The following ARHGAP26 variants were observed in gnomAD, a reference collection of about 807,000 sequenced individuals.
ARHGAP26 encodes the protein Rho GTPase activating protein 26, also known as rho GTPase-activating protein 26.
In ARHGAP26, 38 loss-of-function variants were observed where a neutral mutation model predicts 104.8. The observed-to-expected ratio is 0.36, with a 90% CI of 0.28 to 0.48. The LOEUF (loss-of-function observed/expected upper bound fraction) is 0.48. Among genes scored for constraint, ARHGAP26 ranks in the 20% least tolerant of loss-of-function variants. The probability of loss-of-function intolerance (pLI) is 0.99; values close to 1 mark genes in which losing one functional copy is unlikely to be tolerated. For synonymous variants in ARHGAP26, 341 were observed against 340.0 expected (o/e 1.00, Z -0.03); for missense variants, 704 against 947.9 (o/e 0.74, Z 3.38).
At chr5:142,830,840 G>A (rs1303395964) in intron 1 of ARHGAP26, among the ~76,000 whole-genome samples, 1 of 152,140 alleles carries the variant, frequency 6.6e-6, no homozygotes, top group African/African-American at 2.4e-5. Context: ...CTCTCAGTTT[G>A]TATCATTTTC....
intron 11 of ARHGAP26, among the ~76,000 whole-genome samples, chr5:142,978,046 C>T (rs1773379410): frequency 1.3e-5 from 2 of 152,226 alleles, no homozygotes; most frequent in South Asian, 4.1e-4. Context: ...GATCCGACAT[C>T]TTGAAAATAT....
Position 143,222,613 on chromosome 5 carries a change from G to A in ARHGAP26, c.*167G>A, listed in dbSNP as rs1599588818. Reference sequence around the variant, plus strand: ...GAGCTCTGGTGTCACTCATCTCCATGATCATCTCAGCCAACATGCATCAGT... The same window carrying A: ...GAGCTCTGGTGTCACTCATCTCCATAATCATCTCAGCCAACATGCATCAGT... On this transcript the variant is annotated 3_prime_UTR_variant, in exon 23 of 23. Transcript: ENST00000645722. 2 of 479,476 alleles carry A rather than the reference G, an allele frequency of 4.2e-6. No individual in the cohort carries two copies. Among genetic ancestry groups the A allele is most frequent in the African/African-American group, 1.9e-5 (1 of 52,172 alleles). The allele number at this position is 479,476 out of a possible 1,614,324, so 29.7% of individuals were successfully genotyped here. A position where few individuals can be genotyped will look rare whatever the true frequency, so the allele number is the denominator to read the frequency against.
chr5:143,211,557 A>G (rs1208832075), intron 21 of ARHGAP26, among the ~76,000 whole-genome samples: 1 of 150,164 alleles, frequency 6.7e-6, no homozygotes, highest in Non-Finnish European at 1.5e-5. Flanking sequence ...TGGCTTGCTT[A>G]TTTATTTATT....
At chr5:143,216,355 G>T in intron 22 of ARHGAP26, 1 of 465,528 alleles carries the variant, frequency 2.1e-6, no homozygotes, top group Admixed American at 2.4e-5. Context: ...TTTGAAAAAC[G>T]GAAATGGCAT....
chr5:142,780,586 T>G (rs1285326207), intron 1 of ARHGAP26, among the ~76,000 whole-genome samples: 1 of 152,260 alleles, frequency 6.6e-6, no homozygotes, highest in African/African-American at 2.4e-5. Flanking sequence ...TTGTTAATTC[T>G]GGGATTAAAA....
intron 9 of ARHGAP26, 64 bp downstream of exon 9, chr5:142,907,868 T>G (rs1483794731): frequency 8.5e-7 from 1 of 1,170,120 alleles, no homozygotes; most frequent in Non-Finnish European, 1.2e-6. Context: ...TTATAATGCA[T>G]GTATAAAGTA....
At chr5:142,848,419 C>G (rs1053480072) in intron 1 of ARHGAP26, among the ~76,000 whole-genome samples, 1 of 152,150 alleles carries the variant, frequency 6.6e-6, no homozygotes, top group Non-Finnish European at 1.5e-5. Context: ...GTGTGTGGCC[C>G]TGTGGTTTTC....
At chr5:143,218,595 G>A (rs1412981721) in intron 22 of ARHGAP26, among the ~76,000 whole-genome samples, 1 of 152,278 alleles carries the variant, frequency 6.6e-6, no homozygotes, top group South Asian at 2.1e-4. Flanking sequence ...GGGATGTATG[G>A]TGTACATGGG....
intron 14 of ARHGAP26, among the ~76,000 whole-genome samples, chr5:143,051,685 G>A (rs1785049402): frequency 1.3e-5 from 2 of 152,164 alleles, no homozygotes; most frequent in Non-Finnish European, 1.5e-5. Context: ...TGCCTCATCA[G>A]TGCTATAAAA....
chr5:142,801,026 A>G (rs1302961481), intron 1 of ARHGAP26, among the ~76,000 whole-genome samples: 1 of 152,180 alleles, frequency 6.6e-6, no homozygotes, highest in Non-Finnish European at 1.5e-5. Context: ...TGCCTGTACA[A>G]TTCAGTCATC....
chr5:142,916,126 A>T (rs1762455384), intron 10 of ARHGAP26, among the ~76,000 whole-genome samples: 1 of 152,200 alleles, frequency 6.6e-6, no homozygotes, highest in South Asian at 2.1e-4. Flanking sequence ...GTACTCCTGG[A>T]GTATGTTAAC....
At chr5:143,218,080 G>A (rs1012096672) in intron 22 of ARHGAP26, among the ~76,000 whole-genome samples, 1 of 152,136 alleles carries the variant, frequency 6.6e-6, no homozygotes, top group African/African-American at 2.4e-5. Flanking sequence ...ACCTGTTTTT[G>A]TAAATAAAGC....
At chr5:142,899,467 C>T (rs1759963871) in intron 6 of ARHGAP26, among the ~76,000 whole-genome samples, 1 of 152,200 alleles carries the variant, frequency 6.6e-6, no homozygotes, top group African/African-American at 2.4e-5. Flanking sequence ...GAAGGAGGCA[C>T]AGGGAGGCGG....
At chr5:143,109,333 C>T (rs889467416) in intron 17 of ARHGAP26, among the ~76,000 whole-genome samples, 34 of 152,328 alleles carry the variant, frequency 2.2e-4, no homozygotes, top group Admixed American at 1.7e-3. Flanking sequence ...GGCACAGGGC[C>T]TGACACATTT....
At chr5:143,105,747 G>A (rs1427355511) in intron 17 of ARHGAP26, among the ~76,000 whole-genome samples, 1 of 152,210 alleles carries the variant, frequency 6.6e-6, no homozygotes, top group African/African-American at 2.4e-5. Context: ...GTTCGTGGCT[G>A]TAGGCATCCT....
intron 20 of ARHGAP26, among the ~76,000 whole-genome samples, chr5:143,173,565 T>C (rs1266482718): frequency 1.3e-5 from 2 of 152,230 alleles, no homozygotes; most frequent in African/African-American, 2.4e-5. Context: ...GCAATTTACA[T>C]AGGCATTGTT....
At chr5:143,027,371 A>G (rs1781217773) in intron 12 of ARHGAP26, among the ~76,000 whole-genome samples, 1 of 146,234 alleles carries the variant, frequency 6.8e-6, no homozygotes, top group African/African-American at 2.5e-5. Flanking sequence ...TTTAGTAGAG[A>G]CAGGATTTCA....
At chr5:142,956,748 T>C (rs113053407) in intron 11 of ARHGAP26, among the ~76,000 whole-genome samples, 3,250 of 152,262 alleles carry the variant, frequency 0.021, 114 homozygotes, top group African/African-American at 0.073. Context: ...AGAGGTTTAA[T>C]TGGATTTACA....
intron 16 of ARHGAP26, 46 bp downstream of exon 16, chr5:143,056,132 T>G: frequency 6.5e-7 from 1 of 1,533,130 alleles, no homozygotes; most frequent in Non-Finnish European, 9.0e-7. Flanking sequence ...AATAGATTTT[T>G]CTATTTCAAA....
Sources: allele counts gnomAD v4.1 joint callset (sites outside exome capture counted in the v4.1 genomes callset), GRCh38; gene constraint gnomAD v4.1.1; transcripts MANE v1.5; gene names NCBI Gene and HGNC (gene_info 2026-07-23, HGNC 2026-07-21).